The following TMEM120B variants were observed in gnomAD, a reference collection of about 807,000 sequenced individuals.
The protein encoded by TMEM120B is transmembrane protein 120B.
A neutral mutation model predicts 55.5 loss-of-function variants in TMEM120B; 31 were observed. That is an observed-to-expected ratio of 0.56 (90% CI 0.42 to 0.75). The LOEUF (loss-of-function observed/expected upper bound fraction) is 0.75. Among genes scored for constraint, TMEM120B ranks in the 30% least tolerant of loss-of-function variants. The pLI is 0.00. For missense variants in TMEM120B, 399 were observed against 425.5 expected (o/e 0.94, Z 0.55); for synonymous variants, 203 against 176.3 (o/e 1.15, Z -1.20).
chr12:121,764,295 T>C (rs371038667), intron 6 of TMEM120B, among the ~76,000 whole-genome samples: 12,477 of 151,608 alleles, frequency 0.082, 873 homozygotes, highest in African/African-American at 0.19. Flanking sequence ...GCCAAGGCGG[T>C]GGATCACCTG....
chr12:121,720,434 G>A (rs993287813), intron 1 of TMEM120B, among the ~76,000 whole-genome samples: 1 of 152,098 alleles, frequency 6.6e-6, no homozygotes. Flanking sequence ...TCTTGTCCAG[G>A]CACAGTGGCT....
At chr12:121,754,296 C>T (rs1454387184) in intron 5 of TMEM120B, among the ~76,000 whole-genome samples, 3 of 152,248 alleles carry the variant, frequency 2.0e-5, no homozygotes, top group African/African-American at 7.2e-5. Context: ...CAGTCCCTTG[C>T]ACAGGGACCT....
chr12:121,721,005 T>C (rs1232782853), intron 1 of TMEM120B, among the ~76,000 whole-genome samples: 3 of 152,202 alleles, frequency 2.0e-5, no homozygotes. Flanking sequence ...TAACCTCATC[T>C]TCCCACTGGG....
intron 1 of TMEM120B, among the ~76,000 whole-genome samples, chr12:121,729,738 G>T (rs536028679): frequency 6.6e-6 from 1 of 152,210 alleles, no homozygotes; most frequent in East Asian, 1.9e-4. Context: ...GTTTGAGGCT[G>T]CAGTGAGCCA....
chr12:121,751,664 C>CTCCCTCCCT lies in TMEM120B; in HGVS notation c.366-460_366-452dup, dbSNP rs1298338786. ...TCCTTCCCTCCCTCCCCTCCCTCCC[C>CTCCCTCCCT]TCCCTCCCTTCCTCCAAGTCAGTAT... On this transcript the variant is annotated intron_variant, in intron 4 of 11. Coordinates refer to ENST00000449592, the MANE Select transcript of TMEM120B (RefSeq NM_001080825.2). Among the ~76,000 whole-genome samples, 297 of 150,638 alleles carry CTCCCTCCCT rather than the reference C, an allele frequency of 2.0e-3. 1 individual carries two copies. The highest frequency in any genetic ancestry group is 6.8e-3 in the African/African-American group (277 of 40,776).
intron 6 of TMEM120B, among the ~76,000 whole-genome samples, chr12:121,767,064 A>G (rs1372549440): frequency 2.0e-5 from 3 of 152,140 alleles, no homozygotes; most frequent in Non-Finnish European, 4.4e-5. Flanking sequence ...ATTTCCAGAT[A>G]TTGGGACATG....
At chr12:121,744,949 C>T (rs1107243) in intron 2 of TMEM120B, among the ~76,000 whole-genome samples, 13,133 of 152,192 alleles carry the variant, frequency 0.086, 1,023 homozygotes, top group African/African-American at 0.2. Flanking sequence ...TGGCAGGGCT[C>T]AGAGTCTAGA....
intron 1 of TMEM120B, among the ~76,000 whole-genome samples, chr12:121,736,137 G>A (rs1288189584): frequency 1.3e-5 from 2 of 151,798 alleles, no homozygotes; most frequent in East Asian, 3.9e-4. Context: ...CAACATTTCT[G>A]GATGAGGCAT....
intron 9 of TMEM120B, among the ~76,000 whole-genome samples, chr12:121,774,010 C>A (rs1472716357): frequency 7.2e-6 from 1 of 138,142 alleles, no homozygotes; most frequent in African/African-American, 2.8e-5. Flanking sequence ...GGCTGCATTG[C>A]AGTGGCACGA....
At chr12:121,744,431 G>A (rs1023352817) in intron 2 of TMEM120B, among the ~76,000 whole-genome samples, 12 of 152,218 alleles carry the variant, frequency 7.9e-5, no homozygotes, top group Admixed American at 2.6e-4. Flanking sequence ...GGTGAAAGTT[G>A]GGTGCTGTTA....
intron 4 of TMEM120B, 25 bp from the exon 5 acceptor site, chr12:121,752,103 C>A (rs755638377): frequency 4.4e-6 from 7 of 1,605,880 alleles, no homozygotes; most frequent in Non-Finnish European, 6.0e-6. Context: ...AAGGGGCACA[C>A]CCCTGGGCGT....
intron 1 of TMEM120B, among the ~76,000 whole-genome samples, chr12:121,739,083 A>AG (rs1872839097): frequency 6.6e-6 from 1 of 152,148 alleles, no homozygotes; most frequent in African/African-American, 2.4e-5. Context: ...GCTACTTGGG[A>AG]GGCTGAGGCA....
intron 1 of TMEM120B, among the ~76,000 whole-genome samples, chr12:121,718,464 C>G (rs1894741198): frequency 6.6e-6 from 1 of 152,104 alleles, no homozygotes; most frequent in African/African-American, 2.4e-5. Flanking sequence ...CAAGATCGTG[C>G]CAGGGTACTC....
At chr12:121,749,448 G>A (rs760957938) in intron 3 of TMEM120B, among the ~76,000 whole-genome samples, 48 of 152,230 alleles carry the variant, frequency 3.2e-4, no homozygotes, top group South Asian at 2.1e-4. Context: ...TCGGGAGGCC[G>A]AGGTGGGAGG....
At chr12:121,721,457 G>C (rs181023993) in intron 1 of TMEM120B, among the ~76,000 whole-genome samples, 204 of 150,890 alleles carry the variant, frequency 1.4e-3, no homozygotes, top group African/African-American at 4.7e-3. Flanking sequence ...GAGACTATAG[G>C]TATGAGTGCC....
intron 5 of TMEM120B, chr12:121,758,838 C>T (rs1342259854): frequency 2.1e-6 from 2 of 971,924 alleles, no homozygotes; most frequent in South Asian, 4.8e-5. Flanking sequence ...CCTAGCTCCA[C>T]GTTGTGGTCA....
intron 1 of TMEM120B, among the ~76,000 whole-genome samples, chr12:121,721,833 G>C (rs1894797039): frequency 1.4e-5 from 1 of 72,782 alleles, no homozygotes. Context: ...TTTTGAGACA[G>C]CGTCTTGCTC....
At chr12:121,761,002 A>G (rs1305876269) in intron 5 of TMEM120B, among the ~76,000 whole-genome samples, 1 of 151,944 alleles carries the variant, frequency 6.6e-6, no homozygotes, top group Non-Finnish European at 1.5e-5. Context: ...TTTTTGGGAC[A>G]GAGTCTCGCT....
At chr12:121,737,775 C>A (rs188433752) in intron 1 of TMEM120B, among the ~76,000 whole-genome samples, 57 of 152,104 alleles carry the variant, frequency 3.7e-4, no homozygotes, top group Admixed American at 9.2e-4. Flanking sequence ...TTTGGGAGGC[C>A]AAAGTGGGCG....
Sources: gnomAD v4.1 joint callset for allele counts (sites outside exome capture counted in the v4.1 genomes callset) on GRCh38, gnomAD v4.1.1 for gene constraint, MANE v1.5 for transcripts, NCBI Gene and HGNC (gene_info 2026-07-23, HGNC 2026-07-21) for gene names.